Variants in NAALADL2 observed in about 807,000 individuals in gnomAD.
NAALADL2 encodes the protein inactive N-acetylated-alpha-linked acidic dipeptidase-like protein 2.
In NAALADL2, 76 loss-of-function variants were observed where a neutral mutation model predicts 87.2. The ratio of observed to expected loss-of-function variants is 0.87; its 90% CI spans 0.72 to 1.05. NAALADL2 has a LOEUF of 1.05. NAALADL2 is among the 50% of genes least tolerant of loss of function. NAALADL2 has a pLI of 0.00. For missense variants in NAALADL2, 1,089 were observed against 945.8 expected, an observed-to-expected ratio of 1.15 and a Z score of -1.99; for synonymous variants, 354 against 331.0, an observed-to-expected ratio of 1.07 and a Z score of -0.75.
At chr3:174,669,879 C>T (rs1001142077) in intron 2 of NAALADL2, among the ~76,000 whole-genome samples, 2 of 151,846 alleles carry the variant, frequency 1.3e-5, no homozygotes, top group African/African-American at 4.8e-5. Flanking sequence ...ACACAAATGT[C>T]CTTTCTCTTA....
chr3:174,667,748 C>T (rs2108793800), intron 2 of NAALADL2, among the ~76,000 whole-genome samples: 1 of 151,654 alleles, frequency 6.6e-6, no homozygotes, highest in East Asian at 1.9e-4. Flanking sequence ...TAAGAAGTGT[C>T]TGGTGAAGGG....
chr3:175,426,349 T>C (rs1257052913), intron 5 of NAALADL2, among the ~76,000 whole-genome samples: 1 of 152,112 alleles, frequency 6.6e-6, no homozygotes, highest in Non-Finnish European at 1.5e-5. Context: ...AGCGACAGAG[T>C]GAGACTCTAT....
At chr3:174,884,421 G>C (rs574384027) in intron 1 of NAALADL2, among the ~76,000 whole-genome samples, 1 of 152,296 alleles carries the variant, frequency 6.6e-6, no homozygotes, top group East Asian at 1.9e-4. Flanking sequence ...GCTTCAGGAT[G>C]ATGGGGAATG....
At chr3:175,185,338 A>ATATGTACATCTTTTTAT (rs1737177068) in intron 2 of NAALADL2, among the ~76,000 whole-genome samples, 2 of 152,100 alleles carry the variant, frequency 1.3e-5, no homozygotes, top group Non-Finnish European at 2.9e-5. Flanking sequence ...AGATGTATGC[A>ATATGTACATCTTTTTAT]AAATACTTTT....
intron 3 of NAALADL2, among the ~76,000 whole-genome samples, chr3:174,822,779 C>T (rs1269408604): frequency 3.3e-5 from 5 of 152,092 alleles, no homozygotes; most frequent in Admixed American, 1.3e-4. Flanking sequence ...TATGGGAACT[C>T]TGAGGATCTG....
chr3:174,773,675 G>T (rs966046795), intron 3 of NAALADL2, among the ~76,000 whole-genome samples: 1 of 152,090 alleles, frequency 6.6e-6, no homozygotes, highest in African/African-American at 2.4e-5. Flanking sequence ...AGAAACTAGC[G>T]GTAAGTGGGC....
intron 3 of NAALADL2, among the ~76,000 whole-genome samples, chr3:175,240,660 T>C (rs1746688937): frequency 6.6e-6 from 1 of 152,272 alleles, no homozygotes; most frequent in South Asian, 2.1e-4. Context: ...GTTTGTTTGT[T>C]TGTTTGTTTT....
intron 3 of NAALADL2, among the ~76,000 whole-genome samples, chr3:174,848,036 T>G (rs1724839454): frequency 6.6e-6 from 1 of 151,986 alleles, no homozygotes; most frequent in Non-Finnish European, 1.5e-5. Flanking sequence ...TTTGCTCCTT[T>G]TTATTTTCTC....
chr3:174,863,323 C>T (rs1231352024), intron 1 of NAALADL2, among the ~76,000 whole-genome samples: 7 of 152,030 alleles, frequency 4.6e-5, no homozygotes, highest in East Asian at 1.9e-4. Flanking sequence ...TCCATATTGA[C>T]GTCTTTTAGT....
rs899863996 is a variant in NAALADL2, at chr3:175,013,508, A to G, written c.44-83282A>G. Among the ~76,000 whole-genome samples the G allele has an allele frequency of 3.3e-5, 5 of 151,264 alleles. 1 individual carries two copies. Among genetic ancestry groups the G allele is most frequent in the Admixed American group, 6.6e-5 (1 of 15,052 alleles). On this transcript the variant is annotated intron_variant, in intron 1 of 13. Transcript: ENST00000454872. The stretch of plus-strand genomic sequence containing the variant: ...GAGAAAAGATTTTGCCATGTTGTCC[A>G]TGCTGCTCTTGAACTCCTGGCCTCA...
At chr3:175,620,474 G>A (rs1389657532) in intron 10 of NAALADL2, among the ~76,000 whole-genome samples, 3 of 152,172 alleles carry the variant, frequency 2.0e-5, no homozygotes, top group Non-Finnish European at 2.9e-5. Context: ...GGGGAGTCCC[G>A]GGGTCTCGGC....
chr3:175,542,409 C>T (rs1252451862), intron 9 of NAALADL2, among the ~76,000 whole-genome samples: 3 of 152,200 alleles, frequency 2.0e-5, no homozygotes, highest in Admixed American at 2.0e-4. Context: ...GAAACTGGTT[C>T]CAGATATGCC....
chr3:175,293,226 G>T (rs1159370444), intron 4 of NAALADL2, among the ~76,000 whole-genome samples: 1 of 151,928 alleles, frequency 6.6e-6, no homozygotes, highest in African/African-American at 2.4e-5. Context: ...AGAGCTACAG[G>T]GTAGTTACCA....
chr3:175,561,742 C>T (rs1354775536), intron 9 of NAALADL2, among the ~76,000 whole-genome samples: 1 of 152,140 alleles, frequency 6.6e-6, no homozygotes, highest in Non-Finnish European at 1.5e-5. Flanking sequence ...TTATCCTCCC[C>T]TCATAGACCT....
chr3:174,469,520 C>T (rs1162446695), intron 1 of NAALADL2, among the ~76,000 whole-genome samples: 1 of 151,940 alleles, frequency 6.6e-6, no homozygotes, highest in Non-Finnish European at 1.5e-5. Flanking sequence ...GCTCTGCCTC[C>T]TGGGTTCACG....
intron 2 of NAALADL2, among the ~76,000 whole-genome samples, chr3:174,616,018 T>G (rs1468513889): frequency 6.6e-6 from 1 of 152,046 alleles, no homozygotes; most frequent in East Asian, 1.9e-4. Flanking sequence ...TGCACTTAAA[T>G]CCATTGTTTA....
intron 2 of NAALADL2, among the ~76,000 whole-genome samples, chr3:174,693,895 C>T (rs1311193015): frequency 2.0e-5 from 3 of 152,032 alleles, no homozygotes; most frequent in African/African-American, 2.4e-5. Context: ...CTAACTACAA[C>T]GTAAAGGAAG....
chr3:175,039,041 T>A (rs1227070500), intron 1 of NAALADL2, among the ~76,000 whole-genome samples: 1 of 152,060 alleles, frequency 6.6e-6, no homozygotes, highest in Non-Finnish European at 1.5e-5. Flanking sequence ...GGGCTAGGAG[T>A]AGCACCCCCC....
chr3:175,705,493 A>G (rs904625334), intron 11 of NAALADL2, among the ~76,000 whole-genome samples: 1 of 151,850 alleles, frequency 6.6e-6, no homozygotes, highest in African/African-American at 2.4e-5. Context: ...TCCTGAATGT[A>G]TATTGTTGCT....
Sources: allele counts gnomAD v4.1 joint callset (sites outside exome capture counted in the v4.1 genomes callset), GRCh38; gene constraint gnomAD v4.1.1; transcripts MANE v1.5; gene names NCBI Gene and HGNC (gene_info 2026-07-23, HGNC 2026-07-21).